The following CRELD2 variants were observed in gnomAD, a reference collection of about 807,000 sequenced individuals.
CRELD2 encodes CRELD disulfide isomerase 2, also known as protein disulfide isomerase CRELD2.
Under a neutral mutation model 48.1 loss-of-function variants are expected in CRELD2, and 33 were observed. The observed-to-expected ratio is 0.69, with a 90% CI of 0.52 to 0.92. CRELD2 has a LOEUF of 0.92. CRELD2 is among the 40% of genes least tolerant of loss of function. The pLI is 0.00. For synonymous variants in CRELD2, 220 were observed against 203.9 expected (o/e 1.08, Z -0.67); for missense variants, 477 against 482.4 (o/e 0.99, Z 0.10).
rs756324631 is a variant in CRELD2 at position 49,922,423 on chromosome 22, G to A, written c.593-189G>A. Reference sequence around the variant, plus strand: ...CAGCCAGGCTACAGCTCCAGAGTATGGATAGCTGCCTTCTCTCCAGGTTAT... The same window carrying A: ...CAGCCAGGCTACAGCTCCAGAGTATAGATAGCTGCCTTCTCTCCAGGTTAT... On this transcript the variant is annotated intron_variant, in intron 5 of 9. Coordinates refer to ENST00000328268, the MANE Select transcript of CRELD2 (RefSeq NM_024324.5). The A allele has an allele frequency of 3.7e-6, 6 of 1,601,974 alleles. No homozygotes were observed. In the South Asian group the frequency reaches 4.4e-5, roughly 12 times the overall value.
In CRELD2 at chr22:49,922,718, G is replaced by A. The variant is rs1235342647; in HGVS notation, c.688+11G>A. 6.6e-7 allele frequency: 1 copy of A among 1,514,864 alleles called. No individual in the cohort carries two copies. Among genetic ancestry groups the A allele is most frequent in the Non-Finnish European group, 8.8e-7 (1 of 1,137,120 alleles). 93.8% of individuals were successfully genotyped at this position (1,514,864 alleles called of 1,614,324 possible). ...AGGGCGCCTGTGTGGGTGAGGAGCGGCCCGGGGGTGGAGGAGGGCGCCTGC... is the reference window on the plus strand; with the variant it reads ...AGGGCGCCTGTGTGGGTGAGGAGCGACCCGGGGGTGGAGGAGGGCGCCTGC... On this transcript the variant is annotated intron_variant, in intron 6 of 9. Coordinates refer to ENST00000328268, the MANE Select transcript of CRELD2 (RefSeq NM_024324.5).
Position 49,923,304 on chromosome 22 carries a change from C to T in CRELD2, c.759C>T (p.Ser253=), listed in dbSNP as rs1182135804. ...AGTTCTGTAAGAACGCCAACGGCTC[C>T]TACACGTGCGAAGGTGGGCCAGGCG... The part of the protein sequence containing the change: ...AAQFCKNANG[S]YTCEECDSSC... The change falls in exon 7 of 10, where the codon TCC becomes TCT. Residue 253 remains serine (S), a synonymous_variant. Transcript: ENST00000328268. 4.3e-6 allele frequency: 7 copies of T among 1,612,004 alleles called. No individual in the cohort carries two copies. The highest frequency in any genetic ancestry group is 1.3e-5 in the African/African-American group (1 of 74,838).
rs2060643231 is a variant in CRELD2 at position 49,918,894 on chromosome 22, A to T, written c.125A>T (p.Asn42Ile). The change falls in exon 1 of 10, where the codon AAC becomes ATC. Residue 42 changes from asparagine (N) to isoleucine (I), a missense_variant. Asn to Ile is a moderately radical substitution (Grantham distance 149). Coordinates refer to ENST00000328268, the MANE Select transcript of CRELD2 (RefSeq NM_024324.5). Reference protein sequence around the residue: ...HRCRGLVDKFNQGMVDTAKKN... With the variant: ...HRCRGLVDKFIQGMVDTAKKN... ...TGCCGGGGGCTGGTGGACAAGTTTAACCAGGTGGGAAGGGGCCGGGCGGGG... is the reference window on the plus strand; with the variant it reads ...TGCCGGGGGCTGGTGGACAAGTTTATCCAGGTGGGAAGGGGCCGGGCGGGG... 7.6e-7 allele frequency: 1 copy of T among 1,316,096 alleles called. No homozygotes were observed. The highest frequency in any genetic ancestry group is 1.5e-5 in the African/African-American group (1 of 64,812). The allele number at this position is 1,316,096 out of a possible 1,614,324, so 81.5% of individuals were successfully genotyped here. A position where few individuals can be genotyped will look rare whatever the true frequency, so the allele number is the denominator to read the frequency against.
chr22:49,922,201 G>C (rs2060695219), intron 5 of CRELD2: 6 of 1,350,650 alleles, frequency 4.4e-6, no homozygotes, highest in Non-Finnish European at 6.0e-6. Flanking sequence ...GGACGTGAGT[G>C]TGTGGTTGGC....
chr22:49,920,232 G>C lies in CRELD2; in HGVS notation c.400G>C (p.Gly134Arg), dbSNP rs114332575. The C allele has an allele frequency of 1.9e-6, 3 of 1,610,616 alleles. No homozygotes were observed. Among genetic ancestry groups the C allele is most frequent in the East Asian group, 4.5e-5 (2 of 44,862 alleles). ...AGTGTGCTGCTCTCCAGGAACCTAC[G>C]GTCCCGACTGTCTCGGTGCGTTTCT... Reference protein sequence around the residue: ...LKVCCSPGTYGPDCLACQGGS... With the variant: ...LKVCCSPGTYRPDCLACQGGS... Residue 134 changes from glycine (G) to arginine (R), a missense_variant, in exon 4 of 10, where the codon GGT becomes CGT. Transcript: ENST00000328268.
chr22:49,919,033 C>CGCCCCCACCGTGGGCCCGGGGTA, intron 1 of CRELD2, 135 bp downstream of exon 1: 1 of 874,610 alleles, frequency 1.1e-6, no homozygotes, highest in Non-Finnish European at 1.7e-6. Context: ...GATTCGGGAT[C>CGCCCCCACCGTGGGCCCGGGGTA]CCCCTCACCG....
At chr22:49,927,119 C>A in intron 9 of CRELD2, 136 bp from the exon 10 acceptor site, 1 of 787,356 alleles carries the variant, frequency 1.3e-6, no homozygotes, top group Non-Finnish European at 2.2e-6. Context: ...CCGAGCTGCC[C>A]TTGGATGGCT....
chr22:49,924,467 G>A lies in CRELD2; in HGVS notation c.868+12G>A, dbSNP rs2060737519. The A allele has an allele frequency of 1.3e-6, 2 of 1,577,406 alleles. No individual in the cohort carries two copies. The highest frequency in any genetic ancestry group is 2.3e-5 in the East Asian group (1 of 43,570). ...CGGACAGTGTGCAGGTCAGTGACGGGGTCTGTGCTGGACGCTGGTGGACCC... is the reference window on the plus strand; with the variant it reads ...CGGACAGTGTGCAGGTCAGTGACGGAGTCTGTGCTGGACGCTGGTGGACCC... On this transcript the variant is annotated intron_variant, in intron 8 of 9. Transcript: ENST00000328268.
intron 7 of CRELD2, 38 bp from the exon 8 acceptor site, chr22:49,924,322 T>C: frequency 6.7e-7 from 1 of 1,501,994 alleles, no homozygotes; most frequent in African/African-American, 1.4e-5. Context: ...ACTGGTGCCT[T>C]GTGCATGTCG....
intron 7 of CRELD2, 175 bp downstream of exon 7, chr22:49,923,492 G>A (rs1462920392): frequency 2.8e-6 from 2 of 709,136 alleles, no homozygotes; most frequent in Non-Finnish European, 5.1e-6. Context: ...GAAAATTCAA[G>A]TCAGATGAAA....
intron 4 of CRELD2, chr22:49,921,195 C>G (rs1009400517): frequency 1.1e-5 from 2 of 188,498 alleles, no homozygotes; most frequent in African/African-American, 4.7e-5. Flanking sequence ...CCATTTGGCA[C>G]GTGGTAAGAA....
intron 3 of CRELD2, 96 bp downstream of exon 3, chr22:49,919,936 G>A: frequency 2.0e-6 from 2 of 983,226 alleles, no homozygotes; most frequent in Non-Finnish European, 3.1e-6. Context: ...ACAGTAGGGA[G>A]CTCCCACCTG....
chr22:49,921,561 A>C, intron 4 of CRELD2, 24 bp from the exon 5 acceptor site: 2 of 1,607,094 alleles, frequency 1.2e-6, no homozygotes, highest in Non-Finnish European at 1.7e-6. Context: ...GTGTGCTCTG[A>C]GCATGGTTTT....
In CRELD2 at chr22:49,919,776, G is replaced by A. The variant is rs1269021113; in HGVS notation, c.259G>A (p.Asp87Asn). Residue 87 changes from aspartate to asparagine, a missense_variant, in exon 3 of 10, where the codon GAC becomes AAC. Coordinates refer to ENST00000328268, the MANE Select transcript of CRELD2 (RefSeq NM_024324.5). ...EILEGLCESSDFECNQMLEAQ... is the reference protein window; with the variant it reads ...EILEGLCESSNFECNQMLEAQ... Reference sequence around the variant, plus strand: ...CCTGGAGGGGCTGTGCGAGAGCAGCGACTTCGAATGCAATCAGATGCTAGA... The same window carrying A: ...CCTGGAGGGGCTGTGCGAGAGCAGCAACTTCGAATGCAATCAGATGCTAGA... The A allele has an allele frequency of 2.6e-5, 42 of 1,612,676 alleles. No homozygotes were observed. Among genetic ancestry groups the A allele is most frequent in the Non-Finnish European group, 2.9e-5 (34 of 1,179,580 alleles).
rs138885694 is a variant in CRELD2, at chr22:49,925,511, C to T, written c.963C>T (p.Asp321=). The change falls in exon 9 of 10, where the codon GAC becomes GAT. Residue 321 remains aspartate, a synonymous_variant. Coordinates refer to ENST00000328268, the MANE Select transcript of CRELD2 (RefSeq NM_024324.5). The part of the protein sequence containing the change: ...TPGSYVCVCP[D]GFEETEDACV... ...GGAGCTACGTCTGTGTGTGTCCTGACGGCTTCGAAGAAACGGAAGATGCCT... is the reference window on the plus strand; with the variant it reads ...GGAGCTACGTCTGTGTGTGTCCTGATGGCTTCGAAGAAACGGAAGATGCCT... 555 of 1,614,014 alleles carry T rather than the reference C, an allele frequency of 3.4e-4. 1 individual carries two copies. In the African/African-American group the frequency reaches 3.9e-3, roughly 11 times the overall value.
intron 4 of CRELD2, among the ~76,000 whole-genome samples, chr22:49,920,857 C>T (rs2060678459): frequency 1.3e-5 from 2 of 152,258 alleles, no homozygotes; most frequent in African/African-American, 4.8e-5. Flanking sequence ...GCCCCTGCTG[C>T]TGTCCCTGGC....
At chr22:49,920,386 C>A (rs1319771394) in intron 4 of CRELD2, 139 bp downstream of exon 4, 1 of 613,766 alleles carries the variant, frequency 1.6e-6, no homozygotes, top group South Asian at 2.0e-5. Context: ...GGATGGCTGC[C>A]TCCCCCATCC....
chr22:49,920,045 C>T, intron 3 of CRELD2, 111 bp from the exon 4 acceptor site: 3 of 809,438 alleles, frequency 3.7e-6, no homozygotes, highest in Non-Finnish European at 6.2e-6. Flanking sequence ...CACCTAGACT[C>T]TTGTTTCCTG....
chr22:49,927,410 C>G lies in CRELD2; in HGVS notation c.*103C>G. On this transcript the variant is annotated 3_prime_UTR_variant, in exon 10 of 10. Transcript: ENST00000328268. Reference sequence around the variant, plus strand: ...GTGGACAGCGGCGGGGAGAGGCTGCCTGCTCTCTAACGGTTGATTCTCATT... The same window carrying G: ...GTGGACAGCGGCGGGGAGAGGCTGCGTGCTCTCTAACGGTTGATTCTCATT... 1 of 895,018 alleles carries G rather than the reference C, an allele frequency of 1.1e-6. No homozygotes were observed. The highest frequency in any genetic ancestry group is 1.9e-6 in the Non-Finnish European group (1 of 530,368). 55.4% of individuals were successfully genotyped at this position (895,018 alleles called of 1,614,324 possible).
Sources: gnomAD v4.1 joint callset for allele counts (sites outside exome capture counted in the v4.1 genomes callset) on GRCh38, gnomAD v4.1.1 for gene constraint, MANE v1.5 for transcripts, NCBI Gene and HGNC (gene_info 2026-07-23, HGNC 2026-07-21) for gene names.